Variants in ADGRL3 observed in about 807,000 individuals in gnomAD.
ADGRL3 encodes calcium-independent alpha-latrotoxin receptor 3.
ADGRL3 carries 62 observed loss-of-function variants against 153.5 expected under a neutral mutation model. The ratio of observed to expected loss-of-function variants is 0.40; its 90% CI spans 0.33 to 0.50. The LOEUF (loss-of-function observed/expected upper bound fraction) is 0.50, where lower values mean the gene tolerates loss of function less well. ADGRL3 is among the 20% of genes least tolerant of loss of function. ADGRL3 has a pLI of 0.47. For missense variants in ADGRL3, 1,641 were observed against 1,859.4 expected, an observed-to-expected ratio of 0.88 and a Z score of 2.16; for synonymous variants, 710 against 672.5, an observed-to-expected ratio of 1.06 and a Z score of -0.86.
At chr4:62,058,843 A>G (rs2151838024) in intron 25 of ADGRL3, among the ~76,000 whole-genome samples, 1 of 152,312 alleles carries the variant, frequency 6.6e-6, no homozygotes. Flanking sequence ...CCTGGAAGAC[A>G]GTATTAGAAT....
At chr4:61,932,052 CACAT>C (rs1489494868) in intron 13 of ADGRL3, among the ~76,000 whole-genome samples, 3 of 151,894 alleles carry the variant, frequency 2.0e-5, no homozygotes, top group Non-Finnish European at 4.4e-5. Context: ...TATACACATA[CACAT>C]ACATACAGTC....
At chr4:61,621,641 C>A (rs76025042) in intron 5 of ADGRL3, among the ~76,000 whole-genome samples, 1 of 152,118 alleles carries the variant, frequency 6.6e-6, no homozygotes, top group African/African-American at 2.4e-5. Context: ...TAACTGTTCT[C>A]GGTTTGACAA....
At chr4:61,693,922 T>G (rs2095585854) in intron 6 of ADGRL3, among the ~76,000 whole-genome samples, 1 of 152,152 alleles carries the variant, frequency 6.6e-6, no homozygotes, top group Admixed American at 6.6e-5. Flanking sequence ...TCTAAGTTTC[T>G]GAATGCTAAA....
intron 4 of ADGRL3, among the ~76,000 whole-genome samples, chr4:61,575,309 T>A (rs1012222470): frequency 6.6e-6 from 1 of 152,002 alleles, no homozygotes; most frequent in African/African-American, 2.4e-5. Flanking sequence ...AGAGAACAGA[T>A]GCTTTATGAG....
At chr4:61,382,371 A>G (rs1282346577) in intron 1 of ADGRL3, among the ~76,000 whole-genome samples, 1 of 151,674 alleles carries the variant, frequency 6.6e-6, no homozygotes, top group Non-Finnish European at 1.5e-5. Context: ...ATACTAGAAC[A>G]TTCAAAAATT....
At chr4:61,792,094 T>C (rs1292514341) in intron 8 of ADGRL3, among the ~76,000 whole-genome samples, 1 of 152,192 alleles carries the variant, frequency 6.6e-6, no homozygotes, top group East Asian at 1.9e-4. Flanking sequence ...GAATTTCTCC[T>C]CAGAAAATGA....
intron 9 of ADGRL3, among the ~76,000 whole-genome samples, chr4:61,832,440 T>C (rs929693960): frequency 6.6e-6 from 1 of 152,202 alleles, no homozygotes; most frequent in Non-Finnish European, 1.5e-5. Flanking sequence ...GGAGTCTTAA[T>C]ACAATTGCAT....
intron 8 of ADGRL3, among the ~76,000 whole-genome samples, chr4:61,735,660 G>T (rs1241276643): frequency 2.6e-5 from 4 of 152,036 alleles, no homozygotes; most frequent in Non-Finnish European, 4.4e-5. Context: ...AACAAGAAAT[G>T]ATTTCTAATA....
chr4:61,550,979 T>A (rs1010157399), intron 4 of ADGRL3, among the ~76,000 whole-genome samples: 6 of 152,126 alleles, frequency 3.9e-5, no homozygotes, highest in Non-Finnish European at 8.8e-5. Flanking sequence ...GCCTTACTGT[T>A]CTCTGTCAGC....
Position 61,477,849 on chromosome 4 carries a change from CTT to C in ADGRL3, c.-173-19267_-173-19266del, listed in dbSNP as rs553867230. On this transcript the variant is annotated intron_variant, in intron 2 of 26. Coordinates refer to ENST00000683033, the MANE Select transcript of ADGRL3 (RefSeq NM_001387552.1). ...ATATATATAGTGTTGAAATATGTAT[CTT>C]TTTTACTACAGAATTTGTGGAAAAA... Among the ~76,000 whole-genome samples, 128 of 151,892 alleles carry C rather than the reference CTT, an allele frequency of 8.4e-4. 1 individual carries two copies. Among genetic ancestry groups the C allele is most frequent in the Middle Eastern group, 3.4e-3 (1 of 292 alleles).
At chr4:61,201,979 G>T (rs796713265) in intron 1 of ADGRL3, among the ~76,000 whole-genome samples, 47 of 152,266 alleles carry the variant, frequency 3.1e-4, no homozygotes, top group African/African-American at 1.1e-3. Flanking sequence ...TCTGGCGCGG[G>T]TTGGAGTTTT....
At chr4:61,326,486 G>A (rs917076075) in intron 1 of ADGRL3, among the ~76,000 whole-genome samples, 1 of 150,264 alleles carries the variant, frequency 6.7e-6, no homozygotes, top group Non-Finnish European at 1.5e-5. Flanking sequence ...ACAATTTGTC[G>A]TTTAGTGTGA....
At chr4:61,371,561 C>T (rs1266781697) in intron 1 of ADGRL3, among the ~76,000 whole-genome samples, 1 of 151,922 alleles carries the variant, frequency 6.6e-6, no homozygotes, top group Non-Finnish European at 1.5e-5. Context: ...TATTGGCCCC[C>T]ACTCTCTTCT....
At chr4:61,498,787 T>G (rs891990730) in intron 3 of ADGRL3, among the ~76,000 whole-genome samples, 8 of 152,158 alleles carry the variant, frequency 5.3e-5, no homozygotes, top group Non-Finnish European at 8.8e-5. Context: ...ACATTTATAT[T>G]CTGTACAACT....
At chr4:61,590,310 A>G (rs1034686818) in intron 5 of ADGRL3, among the ~76,000 whole-genome samples, 41 of 152,088 alleles carry the variant, frequency 2.7e-4, no homozygotes, top group Middle Eastern at 3.2e-3. Flanking sequence ...GCCACTTAAA[A>G]GCTTTCTTAA....
intron 21 of ADGRL3, among the ~76,000 whole-genome samples, chr4:62,001,133 A>C (rs1300970278): frequency 6.6e-6 from 1 of 152,140 alleles, no homozygotes; most frequent in Non-Finnish European, 1.5e-5. Flanking sequence ...TATTGTTGGA[A>C]AAGAACCAGT....
At chr4:61,651,618 T>G (rs894758491) in intron 5 of ADGRL3, among the ~76,000 whole-genome samples, 8 of 142,196 alleles carry the variant, frequency 5.6e-5, no homozygotes, top group Non-Finnish European at 1.0e-4. Context: ...TTTGTTTCTG[T>G]TTTTTTTTGA....
At chr4:61,408,161 C>G (rs952743810) in intron 2 of ADGRL3, among the ~76,000 whole-genome samples, 6 of 152,040 alleles carry the variant, frequency 3.9e-5, no homozygotes, top group African/African-American at 1.4e-4. Context: ...TCAGGGAAAT[C>G]TCACCAGAAT....
At chr4:61,786,600 T>C (rs1249630522) in intron 8 of ADGRL3, among the ~76,000 whole-genome samples, 4 of 152,172 alleles carry the variant, frequency 2.6e-5, no homozygotes, top group African/African-American at 9.7e-5. Context: ...ACACTTCCCA[T>C]AGTTTTTGTT....
Sources: gnomAD v4.1 joint callset for allele counts (sites outside exome capture counted in the v4.1 genomes callset) on GRCh38, gnomAD v4.1.1 for gene constraint, MANE v1.5 for transcripts, NCBI Gene and HGNC (gene_info 2026-07-23, HGNC 2026-07-21) for gene names.